Variants in TRPV4 observed in about 807,000 individuals in gnomAD.
TRPV4 encodes the protein OSM9-like transient receptor potential channel 4.
TRPV4 carries 58 observed loss-of-function variants against 84.1 expected under a neutral mutation model. The observed-to-expected ratio is 0.69, with a 90% CI of 0.56 to 0.86. The LOEUF (loss-of-function observed/expected upper bound fraction) is 0.86. TRPV4 is among the 40% of genes least tolerant of loss of function. The pLI is 0.00. For missense variants in TRPV4, 879 were observed against 1,181.1 expected (o/e 0.74, Z 3.75); for synonymous variants, 489 against 500.9 (o/e 0.98, Z 0.32).
intron 1 of TRPV4, among the ~76,000 whole-genome samples, chr12:109,829,698 TC>T (rs1417690326): frequency 6.6e-6 from 1 of 151,944 alleles, no homozygotes; most frequent in Non-Finnish European, 1.5e-5. Flanking sequence ...GGGATGAGAG[TC>T]CCTTTGACAC....
At position 109,820,514 on chromosome 12, in the gene TRPV4, C is replaced by CTTTT. The variant is rs1186445597; in HGVS notation, c.-31-5688_-31-5687insAAAA. Among the ~76,000 whole-genome samples, 78 of 123,140 alleles carry CTTTT rather than the reference C, an allele frequency of 6.3e-4. 4 individuals are homozygous for CTTTT. The highest frequency in any genetic ancestry group is 2.5e-3 in the East Asian group (8 of 3,208). The allele number at this position is 123,140 out of a possible 152,430, so 80.8% of individuals were successfully genotyped here. A position where few individuals can be genotyped will look rare whatever the true frequency, so the allele number is the denominator to read the frequency against. On this transcript the variant is annotated intron_variant, in intron 1 of 15. Coordinates refer to ENST00000261740, the MANE Select transcript of TRPV4 (RefSeq NM_021625.5). Reference sequence around the variant, plus strand: ...CTGATCTTCACTTTCTTCAGCTGCCCTATTTTTTTTTTTTTTTTTTTTTTT... The same window carrying CTTTT: ...CTGATCTTCACTTTCTTCAGCTGCCCTTTTTATTTTTTTTTTTTTTTTTTTTTTT...
intron 3 of TRPV4, 41 bp downstream of exon 3, chr12:109,808,255 C>T (rs745840938): frequency 1.3e-5 from 21 of 1,611,000 alleles, no homozygotes; most frequent in Non-Finnish European, 1.7e-5. Context: ...TCCCCCACAC[C>T]CCTGGCTGTC....
chr12:109,830,274 C>T (rs180900419), intron 1 of TRPV4, among the ~76,000 whole-genome samples: 1 of 152,352 alleles, frequency 6.6e-6, no homozygotes, highest in East Asian at 1.9e-4. Context: ...CCCTTCTCAG[C>T]TGAGAGAACC....
At chr12:109,787,134 C>T (rs1377985123) in intron 13 of TRPV4, among the ~76,000 whole-genome samples, 1 of 152,180 alleles carries the variant, frequency 6.6e-6, no homozygotes, top group African/African-American at 2.4e-5. Flanking sequence ...GGAGCAAATG[C>T]CCACGTGTAA....
chr12:109,830,378 C>A (rs1486056416), intron 1 of TRPV4, among the ~76,000 whole-genome samples: 1 of 152,222 alleles, frequency 6.6e-6, no homozygotes, highest in Non-Finnish European at 1.5e-5. Flanking sequence ...GGGTGCTTGA[C>A]TCAGTGCTTG....
rs113594372 is a variant in TRPV4, at chr12:109,824,330, A to G, written c.-32+9020T>C. 6.6e-5 allele frequency among the ~76,000 whole-genome samples: 10 copies of G among 152,236 alleles called. 1 individual carries two copies. Among genetic ancestry groups the G allele is most frequent in the African/African-American group, 1.9e-4 (8 of 41,548 alleles). ...CTCAAGGATACAAAGTCACTACCCC[A>G]GGAGGCTCCAGGTCCTTCTTCCCTT... On this transcript the variant is annotated intron_variant, in intron 1 of 15. Coordinates refer to ENST00000261740, the MANE Select transcript of TRPV4 (RefSeq NM_021625.5).
rs1312427314 is a variant in TRPV4 at position 109,792,762 on chromosome 12, C to G, written c.1714G>C (p.Glu572Gln). 3.1e-6 allele frequency: 5 copies of G among 1,613,950 alleles called. No homozygotes were observed. The highest frequency in any genetic ancestry group is 4.2e-6 in the Non-Finnish European group (5 of 1,180,040). Residue 572 changes from glutamate (E) to glutamine (Q), a missense_variant, in exon 11 of 16, where the codon GAG (glutamate) becomes CAG (glutamine). Coordinates refer to ENST00000261740, the MANE Select transcript of TRPV4 (RefSeq NM_021625.5). ...AAGACCATCACGGCCAGGTAGGCCTCGATCCCTGCCAGGTAGAGGGCTGCT... is the reference window on the plus strand; with the variant it reads ...AAGACCATCACGGCCAGGTAGGCCTGGATCCCTGCCAGGTAGAGGGCTGCT... ...VSAALYLAGI[E>Q]AYLAVMVFAL...
intron 1 of TRPV4, among the ~76,000 whole-genome samples, chr12:109,831,054 C>T (rs1329340319): frequency 3.9e-5 from 6 of 152,168 alleles, no homozygotes; most frequent in Non-Finnish European, 8.8e-5. Context: ...GACAAACAAC[C>T]GTGTCACTCC....
Position 109,783,653 on chromosome 12 carries a change from G to C in TRPV4, c.2584C>G (p.Arg862Gly). ...RCDGHQQGYP[R>G]KWRTDDAPL ...GGGGCGTCATCAGTCCTCCACTTGC[G>C]GGGGTAACCCTGCTGGTGGCCATCG... Residue 862 changes from arginine to glycine, a missense_variant, in exon 16 of 16, where the codon CGC (arginine) becomes GGC (glycine). By Grantham distance (125) the Arg-to-Gly change is moderately radical. This residue lies in a region of TRPV4 where 242 missense variants were observed against 355.3 expected (regional missense o/e 0.68). Transcript: ENST00000261740. The surrounding 1 kb of genome is among the most constrained non-coding windows in gnomAD (Gnocchi z 4.6). The C allele has an allele frequency of 6.2e-7, 1 of 1,613,730 alleles. No individual in the cohort carries two copies. Among genetic ancestry groups the C allele is most frequent in the East Asian group, 2.2e-5 (1 of 44,872 alleles).
intron 1 of TRPV4, among the ~76,000 whole-genome samples, chr12:109,831,458 G>A (rs531379849): frequency 8.5e-5 from 13 of 152,296 alleles, no homozygotes; most frequent in Admixed American, 2.6e-4. Flanking sequence ...GCTCCTCCCC[G>A]GGGGGCCACA....
intron 14 of TRPV4, among the ~76,000 whole-genome samples, chr12:109,785,468 G>C (rs1889629032): frequency 6.6e-6 from 1 of 151,718 alleles, no homozygotes; most frequent in South Asian, 2.1e-4. Flanking sequence ...CGCCAGACTG[G>C]AGTGCAGTAG....
intron 14 of TRPV4, among the ~76,000 whole-genome samples, chr12:109,784,684 T>TA (rs1047237822): frequency 5.0e-4 from 74 of 147,586 alleles, no homozygotes; most frequent in Middle Eastern, 3.5e-3. Context: ...TAAAAAAAAT[T>TA]AAAAAAAAAA....
intron 3 of TRPV4, 109 bp from the exon 4 acceptor site, chr12:109,803,252 A>G (rs772971561): frequency 1.0e-5 from 13 of 1,301,070 alleles, no homozygotes; most frequent in Non-Finnish European, 1.4e-5. Flanking sequence ...CTGGCTGTCA[A>G]CATCTCCTCT....
At chr12:109,833,062 G>A (rs1046199751) in intron 1 of TRPV4, among the ~76,000 whole-genome samples, 1 of 152,086 alleles carries the variant, frequency 6.6e-6, no homozygotes. Flanking sequence ...CCTGGCTTGG[G>A]GTCTCAGGGA....
Position 109,814,307 on chromosome 12 carries a change from G to T in TRPV4, c.386+104C>A. The T allele has an allele frequency of 7.6e-7, 1 of 1,308,096 alleles. No homozygotes were observed. The highest frequency in any genetic ancestry group is 1.1e-6 in the Non-Finnish European group (1 of 932,176). 81.0% of individuals were successfully genotyped at this position (1,308,096 alleles called of 1,614,324 possible). On this transcript the variant is annotated intron_variant, in intron 2 of 15. Transcript: ENST00000261740. This position sits in a 1 kb window ranked among gnomAD's most constrained non-coding sequence, Gnocchi z 5.4. ...TGGTTGGATGGACAGATGGATGGAT[G>T]GATGAATCGACGGATGGGTGGATAA...
At chr12:109,790,895 C>A (rs1306654974) in intron 12 of TRPV4, among the ~76,000 whole-genome samples, 1 of 152,194 alleles carries the variant, frequency 6.6e-6, no homozygotes, top group African/African-American at 2.4e-5. Flanking sequence ...TGTGGACAAG[C>A]CCAAGCTAGC....
In TRPV4 at chr12:109,803,036, T is replaced by A; in HGVS notation, c.667A>T (p.Met223Leu). 6.2e-7 allele frequency: 1 copy of A among 1,614,190 alleles called. No homozygotes were observed. Among genetic ancestry groups the A allele is most frequent in the Non-Finnish European group, 8.5e-7 (1 of 1,180,048 alleles). Reference sequence around the variant, plus strand: ...AAGGGCGAGTTAATGAACTCCCTCATGTTGCCGGTGCGCTCCGCGATGTCC... The same window carrying A: ...AAGGGCGAGTTAATGAACTCCCTCAAGTTGCCGGTGCGCTCCGCGATGTCC... ...LLDIAERTGN[M>L]REFINSPFRD... is the part of the protein sequence containing the mutation. The change falls in exon 4 of 16, where the codon ATG becomes TTG. Residue 223 changes from methionine (M) to leucine (L), a missense_variant. Physicochemically the swap from Met to Leu is conservative, Grantham distance 15. Around this residue, in one of 4 missense-constraint regions of TRPV4, gnomAD observed 521 missense variants for 686.6 expected, o/e 0.76. Coordinates refer to ENST00000261740, the MANE Select transcript of TRPV4 (RefSeq NM_021625.5).
chr12:109,817,511 A>C (rs1020051840), intron 1 of TRPV4, among the ~76,000 whole-genome samples: 1 of 152,186 alleles, frequency 6.6e-6, no homozygotes, highest in Non-Finnish European at 1.5e-5. Flanking sequence ...ACAGCACCCC[A>C]GGTTCCTGGG....
At chr12:109,828,426 CT>C (rs1892325192) in intron 1 of TRPV4, among the ~76,000 whole-genome samples, 1 of 152,212 alleles carries the variant, frequency 6.6e-6, no homozygotes, top group South Asian at 2.1e-4. Flanking sequence ...GGCCCTGTCC[CT>C]TCCTCATTCC....
Sources: allele counts gnomAD v4.1 joint callset (sites outside exome capture counted in the v4.1 genomes callset), GRCh38; gene constraint gnomAD v4.1.1; regional missense constraint gnomAD v4.1.1; non-coding constraint Gnocchi (gnomAD v3.1); transcripts MANE v1.5; gene names NCBI Gene and HGNC (gene_info 2026-07-23, HGNC 2026-07-21).